Variants in F10 observed in about 807,000 individuals in gnomAD.
F10 encodes Stuart-Prower factor.
Under a neutral mutation model 37.1 loss-of-function variants are expected in F10, and 29 were observed. The ratio of observed to expected loss-of-function variants is 0.78; its 90% CI spans 0.58 to 1.07. F10 has a LOEUF of 1.07. F10 is among the 50% of genes least tolerant of loss of function. The probability of loss-of-function intolerance (pLI) is 0.00; values close to 1 mark genes in which losing one functional copy is unlikely to be tolerated. For synonymous variants in F10, 262 were observed against 268.6 expected (o/e 0.98, Z 0.24); for missense variants, 539 against 667.9 (o/e 0.81, Z 2.13).
At chr13:113,137,821 T>C (rs2036493139) in intron 2 of F10, among the ~76,000 whole-genome samples, 1 of 152,180 alleles carries the variant, frequency 6.6e-6, no homozygotes, top group East Asian at 1.9e-4. Context: ...GACTTTCTCC[T>C]TTATTTAGGG....
intron 2 of F10, among the ~76,000 whole-genome samples, chr13:113,135,886 A>C (rs1181119763): frequency 6.6e-6 from 1 of 152,258 alleles, no homozygotes; most frequent in Non-Finnish European, 1.5e-5. Flanking sequence ...GAAAAAAGTC[A>C]TAAATTGGAC....
At position 113,147,384 on chromosome 13, in the gene F10, G is replaced by T; in HGVS notation, c.753G>T (p.Leu251=). ...CKDGECPWQA[L]LINEENEGFC... is the part of the protein sequence containing the mutation. ...GCCTGTCACGTCTGTCACAGGCCCT[G>T]CTCATCAATGAGGAAAACGAGGGTT... Residue 251 remains leucine (L), a synonymous_variant, in exon 7 of 8, where the codon CTG becomes CTT. Transcript: ENST00000375559. 6.2e-7 allele frequency: 1 copy of T among 1,610,034 alleles called. No homozygotes were observed.
chr13:113,141,803 G>C lies in F10; in HGVS notation c.502+753G>C, dbSNP rs766226473. 6.6e-6 allele frequency among the ~76,000 whole-genome samples: 1 copy of C among 152,154 alleles called. No individual in the cohort carries two copies. Among genetic ancestry groups the C allele is most frequent in the Non-Finnish European group, 1.5e-5 (1 of 68,026 alleles). ...CTCCCACTCATAGCTGGCCCGACCCGCAGCGTTGGCCTCACCCGGGGGCAT... is the reference window on the plus strand; with the variant it reads ...CTCCCACTCATAGCTGGCCCGACCCCCAGCGTTGGCCTCACCCGGGGGCAT... On this transcript the variant is annotated intron_variant, in intron 5 of 7. Coordinates refer to ENST00000375559, the MANE Select transcript of F10 (RefSeq NM_000504.4). This position sits in a 1 kb window ranked among gnomAD's most constrained non-coding sequence, Gnocchi z 5.4.
chr13:113,140,481 C>T (rs1566919335), intron 4 of F10: 2 of 472,708 alleles, frequency 4.2e-6, no homozygotes, highest in Admixed American at 4.7e-5. Flanking sequence ...TCCGCAGTCG[C>T]CTCCCTGGAA....
At position 113,122,872 on chromosome 13, in the gene F10, A is replaced by G. The variant is rs1328835476; in HGVS notation, c.17A>G (p.His6Arg). The change falls in exon 1 of 8, where the codon CAC becomes CGC. Residue 6 changes from histidine (H) to arginine (R), a missense_variant. His to Arg is a conservative substitution (Grantham distance 29, BLOSUM62 0). Transcript: ENST00000375559. ...GGCCACACCATGGGGCGCCCACTGC[A>G]CCTCGTCCTGCTCAGTGCCTCCCTG... MGRPL[H>R]LVLLSASLAG... 1.2e-6 allele frequency: 2 copies of G among 1,610,568 alleles called. No individual in the cohort carries two copies. The highest frequency in any genetic ancestry group is 8.5e-7 in the Non-Finnish European group (1 of 1,180,002).
intron 2 of F10, chr13:113,131,844 C>G (rs551537959): frequency 6.6e-6 from 1 of 152,294 alleles, no homozygotes; most frequent in African/African-American, 2.4e-5. Context: ...ATGATGAGGC[C>G]ACATTCATAG....
At position 113,139,560 on chromosome 13, in the gene F10, C is replaced by T. The variant is rs1010783075; in HGVS notation, c.370+90C>T. ...GAAGAAGTGAAAACGCCTAATGAAA[C>T]AATCTTAAGTCATTTCTGATTTACA... On this transcript the variant is annotated intron_variant, in intron 4 of 7. Coordinates refer to ENST00000375559, the MANE Select transcript of F10 (RefSeq NM_000504.4). This position sits in a 1 kb window ranked among gnomAD's most constrained non-coding sequence, Gnocchi z 5.2. 10 of 926,076 alleles carry T rather than the reference C, an allele frequency of 1.1e-5. No homozygotes were observed. Among genetic ancestry groups the T allele is most frequent in the Non-Finnish European group, 1.7e-5 (10 of 573,832 alleles). The allele number at this position is 926,076 out of a possible 1,614,324, so 57.4% of individuals were successfully genotyped here.
Position 113,142,556 on chromosome 13 carries a change from CAAAAAAAA to C in F10, c.503-1280_503-1273del. On this transcript the variant is annotated intron_variant, in intron 5 of 7. Transcript: ENST00000375559. ...TGGGCAACAGAATGAGACTCTGTCT[CAAAAAAAA>C]AAAAAAAAAAAAAATCAAAAGGCAA... Among the ~76,000 whole-genome samples the C allele has an allele frequency of 3.3e-5, 2 of 61,380 alleles. 1 individual carries two copies. Among genetic ancestry groups the C allele is most frequent in the Non-Finnish European group, 6.9e-5 (2 of 28,782 alleles). 40.3% of individuals were successfully genotyped at this position (61,380 alleles called of 152,430 possible). A position where few individuals can be genotyped will look rare whatever the true frequency, so the allele number is the denominator to read the frequency against.
At position 113,143,982 on chromosome 13, in the gene F10, G is replaced by A. The variant is rs556947824; in HGVS notation, c.634G>A (p.Glu212Lys). Residue 212 changes from glutamate to lysine, a missense_variant, in exon 6 of 8, where the codon GAG becomes AAG. Around this residue, in one of 2 missense-constraint regions of F10, gnomAD observed 409 missense variants for 547.9 expected, o/e 0.75. Coordinates refer to ENST00000375559, the MANE Select transcript of F10 (RefSeq NM_000504.4). This position sits in a 1 kb window ranked among gnomAD's most constrained non-coding sequence, Gnocchi z 6.8. Reference sequence around the variant, plus strand: ...TGATGCAGCCGACCTGGACCCCACCGAGAACCCCTTCGACCTGCTTGACTT... The same window carrying A: ...TGATGCAGCCGACCTGGACCCCACCAAGAACCCCTTCGACCTGCTTGACTT... ...PYDAADLDPTENPFDLLDFNQ... is the reference protein window; with the variant it reads ...PYDAADLDPTKNPFDLLDFNQ... 6.8e-6 allele frequency: 11 copies of A among 1,613,516 alleles called. No individual in the cohort carries two copies. Among genetic ancestry groups the A allele is most frequent in the East Asian group, 2.2e-5 (1 of 44,872 alleles).
chr13:113,126,937 G>A (rs1239470399), intron 1 of F10, among the ~76,000 whole-genome samples: 1 of 152,230 alleles, frequency 6.6e-6, no homozygotes, highest in Non-Finnish European at 1.5e-5. Flanking sequence ...CCACGTGTGG[G>A]CTGCATTTCA....
At position 113,129,578 on chromosome 13, in the gene F10, A is replaced by G. The variant is rs1661644566; in HGVS notation, c.197A>G (p.Glu66Gly). The G allele has an allele frequency of 1.2e-6, 2 of 1,614,246 alleles. No homozygotes were observed. Among genetic ancestry groups the G allele is most frequent in the Non-Finnish European group, 1.7e-6 (2 of 1,180,038 alleles). The change falls in exon 2 of 8, where the codon GAG becomes GGG. Residue 66 changes from glutamate (E) to glycine (G), a missense_variant. Coordinates refer to ENST00000375559, the MANE Select transcript of F10 (RefSeq NM_000504.4). ...ECMEETCSYE[E>G]AREVFEDSDK... is the part of the protein sequence containing the mutation. ...ATGGAAGAGACCTGCTCATACGAAG[A>G]GGCCCGCGAGGTCTTTGAGGACAGC...
rs527581773 is a variant in F10 at position 113,136,275 on chromosome 13, C to T, written c.232-2182C>T. Among the ~76,000 whole-genome samples the T allele has an allele frequency of 8.5e-5, 13 of 152,132 alleles. No individual in the cohort carries two copies. The South Asian group carries it at 2.3e-3, about 27-fold the overall frequency. On this transcript the variant is annotated intron_variant, in intron 2 of 7. Coordinates refer to ENST00000375559, the MANE Select transcript of F10 (RefSeq NM_000504.4). ...GAAAGCAGAACTTTGATACACTGCT[C>T]GTGGGAATGCAAAATGGCACGGCCA...
chr13:113,145,003 C>T (rs554273248), intron 6 of F10, among the ~76,000 whole-genome samples: 25 of 152,274 alleles, frequency 1.6e-4, no homozygotes, highest in African/African-American at 4.8e-4. Context: ...TTCAGCCTCC[C>T]GAGTAGCTGG....
At chr13:113,140,637 T>C in intron 4 of F10, 2 of 637,456 alleles carry the variant, frequency 3.1e-6, no homozygotes, top group Non-Finnish European at 6.0e-6. Context: ...GTGACCGTAA[T>C]GTGAGTGCTG....
chr13:113,147,743 G>C (rs1388337880), intron 7 of F10, among the ~76,000 whole-genome samples: 1 of 152,134 alleles, frequency 6.6e-6, no homozygotes, highest in Admixed American at 6.5e-5. Flanking sequence ...CCAGGTCTCG[G>C]GTCTCCGAGT....
chr13:113,123,234 C>T (rs967169376), intron 1 of F10, among the ~76,000 whole-genome samples: 1 of 152,020 alleles, frequency 6.6e-6, no homozygotes, highest in African/African-American at 2.4e-5. Flanking sequence ...GGCCAAGAGG[C>T]AGAGACAGAG....
rs778386984 is a variant in F10 at position 113,148,912 on chromosome 13, C to A, written c.866-4C>A. On this transcript the variant is annotated splice_region_variant and splice_polypyrimidine_tract_variant and intron_variant, in intron 7 of 7. Coordinates refer to ENST00000375559, the MANE Select transcript of F10 (RefSeq NM_000504.4). Reference sequence around the variant, plus strand: ...CTGAGCACAGTCCCACTCGTCTGTCCCAGGGGACCGGAACACGGAGCAGGA... The same window carrying A: ...CTGAGCACAGTCCCACTCGTCTGTCACAGGGGACCGGAACACGGAGCAGGA... 72 of 1,613,220 alleles carry A rather than the reference C, an allele frequency of 4.5e-5. No individual in the cohort carries two copies. Among genetic ancestry groups the A allele is most frequent in the South Asian group, 3.2e-4 (29 of 91,074 alleles).
At chr13:113,147,564 T>A in intron 7 of F10, 68 bp downstream of exon 7, 1 of 958,588 alleles carries the variant, frequency 1.0e-6, no homozygotes, top group Non-Finnish European at 1.7e-6. Flanking sequence ...CAGAAACCAC[T>A]AAAGCTGATG....
chr13:113,122,951 CA>C, intron 1 of F10, 26 bp downstream of exon 1: 1 of 1,606,460 alleles, frequency 6.2e-7, no homozygotes. Flanking sequence ...CCTTCAGACC[CA>C]AAAGCAGCGC....
Sources: gnomAD v4.1 joint callset for allele counts (sites outside exome capture counted in the v4.1 genomes callset) on GRCh38, gnomAD v4.1.1 for gene constraint, gnomAD v4.1.1 regional missense constraint, Gnocchi (gnomAD v3.1) non-coding constraint, MANE v1.5 for transcripts, NCBI Gene and HGNC (gene_info 2026-07-23, HGNC 2026-07-21) for gene names.